The following SLC39A8 variants were observed in gnomAD, a reference collection of about 807,000 sequenced individuals.
SLC39A8 encodes the protein solute carrier family 39 member 8, also known as metal cation symporter ZIP8.
In SLC39A8, 15 loss-of-function variants were observed where a neutral mutation model predicts 40.4. That is an observed-to-expected ratio of 0.37 (90% CI 0.25 to 0.57). The LOEUF (loss-of-function observed/expected upper bound fraction) is 0.57. Among genes scored for constraint, SLC39A8 ranks in the 20% least tolerant of loss-of-function variants. SLC39A8 has a pLI of 0.75. For missense variants in SLC39A8, 472 were observed against 558.8 expected (o/e 0.84, Z 1.57); for synonymous variants, 223 against 221.6 (o/e 1.01, Z -0.06).
chr4:102,307,284 T>C, intron 4 of SLC39A8, 152 bp downstream of exon 4: 1 of 935,542 alleles, frequency 1.1e-6, no homozygotes, highest in Non-Finnish European at 1.6e-6. Flanking sequence ...GGACAAGCCT[T>C]TACAATTGCT....
At position 102,262,033 on chromosome 4, in the gene SLC39A8, CAAAG is replaced by C; in HGVS notation, c.*1007_*1010del. 1 of 985,770 alleles carries C rather than the reference CAAAG, an allele frequency of 1.0e-6. No individual in the cohort carries two copies. Among genetic ancestry groups the C allele is most frequent in the Non-Finnish European group, 1.2e-6 (1 of 829,846 alleles). 61.1% of individuals were successfully genotyped at this position (985,770 alleles called of 1,614,324 possible). ...CATATGGAAAAGTATAGGCTGAACA[CAAAG>C]GAAGTCTTTTCTGAATGGCTCTCGA... On this transcript the variant is annotated 3_prime_UTR_variant, in exon 9 of 9. Transcript: ENST00000356736.
intron 6 of SLC39A8, among the ~76,000 whole-genome samples, chr4:102,294,439 A>T (rs918227375): frequency 5.3e-5 from 8 of 152,160 alleles, no homozygotes; most frequent in South Asian, 2.1e-4. Context: ...AATTATTTTT[A>T]AAAAATTCTT....
At chr4:102,252,454 G>C (rs757595110) in exon 12 of SLC39A8, 8 of 152,368 alleles carry the variant, frequency 5.3e-5, no homozygotes, top group Admixed American at 3.9e-4. Context: ...GAGTGGCCCA[G>C]GGAGGAGTTG....
chr4:102,306,851 T>G (rs1734191731), intron 4 of SLC39A8, among the ~76,000 whole-genome samples: 1 of 152,028 alleles, frequency 6.6e-6, no homozygotes, highest in Non-Finnish European at 1.5e-5. Context: ...TGCACTATAG[T>G]CAAGATAGAT....
intron 11 of SLC39A8, among the ~76,000 whole-genome samples, chr4:102,254,191 T>C (rs1351779132): frequency 1.3e-5 from 2 of 152,220 alleles, no homozygotes. Flanking sequence ...CTCCCATTTG[T>C]GCACAATTAC....
downstream of SLC39A8, among the ~76,000 whole-genome samples, chr4:102,257,643 C>G (rs1191934497): frequency 6.6e-6 from 1 of 152,306 alleles, no homozygotes. Context: ...AAGCAGGATA[C>G]AGAAGGGTGG....
At chr4:102,254,248 G>A (rs1560519572) in intron 11 of SLC39A8, among the ~76,000 whole-genome samples, 1 of 152,150 alleles carries the variant, frequency 6.6e-6, no homozygotes, top group Non-Finnish European at 1.5e-5. Context: ...TCTGATTTGT[G>A]ATATCATTGG....
intron 2 of SLC39A8, among the ~76,000 whole-genome samples, chr4:102,338,216 T>C (rs1247227394): frequency 6.6e-6 from 1 of 151,058 alleles, no homozygotes; most frequent in Non-Finnish European, 1.5e-5. Context: ...AGACGGAGTC[T>C]TACTTTGTCA....
At chr4:102,299,312 A>G (rs1433236333) in intron 6 of SLC39A8, among the ~76,000 whole-genome samples, 1 of 151,928 alleles carries the variant, frequency 6.6e-6, no homozygotes, top group East Asian at 1.9e-4. Context: ...AAAAAAAAAA[A>G]AAGAGTGCTT....
rs1263391746 is a variant in SLC39A8 at position 102,279,337 on chromosome 4, A to C, written c.841-11258T>G. ...CTGAACCAACAGAGATGAGAAAGTC[A>C]CTATAACTAGCTAGGGTAATCACAC... On this transcript the variant is annotated intron_variant, in intron 6 of 8. Transcript: ENST00000356736. Among the ~76,000 whole-genome samples, 6 of 152,202 alleles carry C rather than the reference A, an allele frequency of 3.9e-5. No homozygotes were observed. In the East Asian group the frequency reaches 9.7e-4, roughly 25 times the overall value.
At chr4:102,334,186 C>T (rs534148162) in intron 2 of SLC39A8, among the ~76,000 whole-genome samples, 7 of 152,110 alleles carry the variant, frequency 4.6e-5, no homozygotes, top group Non-Finnish European at 1.0e-4. Flanking sequence ...AAATGAAACA[C>T]AAAGATCATG....
At position 102,261,744 on chromosome 4, in the gene SLC39A8, T is replaced by C; in HGVS notation, c.*1300A>G. 1 of 982,410 alleles carries C rather than the reference T, an allele frequency of 1.0e-6. No individual in the cohort carries two copies. 60.9% of individuals were successfully genotyped at this position (982,410 alleles called of 1,614,324 possible). On this transcript the variant is annotated 3_prime_UTR_variant, in exon 9 of 9. Transcript: ENST00000356736. ...TCATAAAGTGAAATACATACTAAAA[T>C]ATATATTAAATATTCACCAAATCTG...
At chr4:102,315,018 G>T (rs1401864961) in intron 3 of SLC39A8, among the ~76,000 whole-genome samples, 1 of 152,090 alleles carries the variant, frequency 6.6e-6, no homozygotes, top group Non-Finnish European at 1.5e-5. Flanking sequence ...CAGACTCCCT[G>T]AACAATTGGT....
Position 102,304,981 on chromosome 4 carries a change from C to A in SLC39A8, c.675+8G>T. 1 of 1,593,462 alleles carries A rather than the reference C, an allele frequency of 6.3e-7. No individual in the cohort carries two copies. Among genetic ancestry groups the A allele is most frequent in the Admixed American group, 1.7e-5 (1 of 57,836 alleles). ...AAATATTGGATGTTTTAAATAAAGT[C>A]CATTTACCTGACCATATGTCTTTAA... On this transcript the variant is annotated splice_region_variant and intron_variant, in intron 5 of 8. Coordinates refer to ENST00000356736, the MANE Select transcript of SLC39A8 (RefSeq NM_001135146.2).
chr4:102,303,779 A>G (rs1214592137), intron 6 of SLC39A8, among the ~76,000 whole-genome samples: 1 of 151,850 alleles, frequency 6.6e-6, no homozygotes, highest in Non-Finnish European at 1.5e-5. Flanking sequence ...AGTTGTTATA[A>G]AAAGTAAATG....
At chr4:102,318,813 G>C (rs533199813) in intron 2 of SLC39A8, among the ~76,000 whole-genome samples, 9 of 152,318 alleles carry the variant, frequency 5.9e-5, no homozygotes, top group South Asian at 2.1e-4. Flanking sequence ...AACTCCATGT[G>C]CTTTCGCCAG....
chr4:102,286,554 G>A (rs1005341075), intron 6 of SLC39A8, among the ~76,000 whole-genome samples: 1 of 151,990 alleles, frequency 6.6e-6, no homozygotes. Flanking sequence ...GCGAGATAAC[G>A]GTAGAGGTTC....
chr4:102,287,633 C>T (rs1733240548), intron 6 of SLC39A8, among the ~76,000 whole-genome samples: 1 of 152,146 alleles, frequency 6.6e-6, no homozygotes, highest in South Asian at 2.1e-4. Flanking sequence ...CATCACACTA[C>T]ACAATAACTA....
intron 6 of SLC39A8, among the ~76,000 whole-genome samples, chr4:102,284,842 A>AT (rs11415527): frequency 0.78 from 118,824 of 152,062 alleles, 46,960 homozygotes; most frequent in African/African-American, 0.89. Context: ...CCAGGAAACT[A>AT]TAATGATGGC....
Sources: gnomAD v4.1 joint callset for allele counts (sites outside exome capture counted in the v4.1 genomes callset) on GRCh38, gnomAD v4.1.1 for gene constraint, MANE v1.5 for transcripts, NCBI Gene and HGNC (gene_info 2026-07-23, HGNC 2026-07-21) for gene names.